The following ZNF568 variants were observed in gnomAD, a reference collection of about 807,000 sequenced individuals.
ZNF568 encodes the protein p53 inhibitor of SCO2 activation.
In ZNF568, 11 loss-of-function variants were observed where a neutral mutation model predicts 18.1. The ratio of observed to expected loss-of-function variants is 0.61; its 90% CI spans 0.38 to 1.00. The LOEUF (loss-of-function observed/expected upper bound fraction) is 1.00. Ranked by LOEUF, ZNF568 falls within the 50% of genes least tolerant of loss-of-function variation. The pLI, the probability that ZNF568 is intolerant of heterozygous loss-of-function variation, is 0.01. For missense variants in ZNF568, 639 were observed against 768.2 expected, an observed-to-expected ratio of 0.83 and a Z score of 1.99; for synonymous variants, 213 against 246.6, an observed-to-expected ratio of 0.86 and a Z score of 1.28.
At chr19:36,993,739 G>A (rs2074445112) in intron 4 of ZNF568, among the ~76,000 whole-genome samples, 1 of 152,032 alleles carries the variant, frequency 6.6e-6, no homozygotes, top group Non-Finnish European at 1.5e-5. Context: ...AAGGTCAGTG[G>A]TGATATCTCC....
downstream of ZNF568, among the ~76,000 whole-genome samples, chr19:36,984,886 GT>G (rs1822004863): frequency 6.6e-6 from 1 of 151,956 alleles, no homozygotes; most frequent in African/African-American, 2.4e-5. Context: ...GTGCTCTGCA[GT>G]TTTGGTGTGA....
chr19:36,952,800 T>A, downstream of ZNF568: 1 of 518,054 alleles, frequency 1.9e-6, no homozygotes, highest in Non-Finnish European at 2.5e-6. Context: ...AAGGGAAGCC[T>A]GTGCCCATAG....
At chr19:36,921,137 G>T (rs7249013) in intron 2 of ZNF568, among the ~76,000 whole-genome samples, 19,898 of 152,072 alleles carry the variant, frequency 0.13, 1,471 homozygotes, top group African/African-American at 0.19. Flanking sequence ...AAAGTGATGC[G>T]TGACTGTATA....
intron 7 of ZNF568, among the ~76,000 whole-genome samples, chr19:36,975,553 TTTTTC>T (rs1568403945): frequency 6.6e-6 from 1 of 151,810 alleles, no homozygotes; most frequent in Non-Finnish European, 1.5e-5. Context: ...GCCCAGCTAA[TTTTTC>T]TATTTTTAGT....
intron 2 of ZNF568, among the ~76,000 whole-genome samples, chr19:36,989,875 C>T (rs1054349498): frequency 6.6e-6 from 1 of 152,226 alleles, no homozygotes; most frequent in South Asian, 2.1e-4. Flanking sequence ...GTTCTTCCAC[C>T]GAGAGTACTG....
intron 6 of ZNF568, among the ~76,000 whole-genome samples, chr19:36,970,407 C>T (rs534267683): frequency 2.0e-5 from 3 of 149,978 alleles, no homozygotes; most frequent in Non-Finnish European, 4.4e-5. Flanking sequence ...GTGCAGTGCC[C>T]CAATCTTGGC....
chr19:36,966,130 A>G (rs1292540543), intron 6 of ZNF568, among the ~76,000 whole-genome samples: 3 of 152,094 alleles, frequency 2.0e-5, no homozygotes, highest in African/African-American at 4.8e-5. Context: ...ACTAAAAAAT[A>G]TAAAAATCAG....
chr19:36,938,661 A>G (rs539374240), intron 6 of ZNF568, among the ~76,000 whole-genome samples: 1 of 152,252 alleles, frequency 6.6e-6, no homozygotes, highest in East Asian at 1.9e-4. Flanking sequence ...CTTGAACCAT[A>G]CTTTCTTTTC....
chr19:36,994,493 T>C (rs919178977), intron 4 of ZNF568, among the ~76,000 whole-genome samples: 3 of 152,238 alleles, frequency 2.0e-5, no homozygotes, highest in African/African-American at 7.2e-5. Context: ...CTATCCATTA[T>C]TGAAAGTAAA....
At chr19:36,961,453 G>A (rs1476585728) in intron 6 of ZNF568, among the ~76,000 whole-genome samples, 1 of 151,278 alleles carries the variant, frequency 6.6e-6, no homozygotes, top group Non-Finnish European at 1.5e-5. Context: ...GATATTTGGG[G>A]ATCTTTTTAA....
chr19:36,973,071 A>C (rs1003024646), intron 6 of ZNF568: 3 of 152,902 alleles, frequency 2.0e-5, no homozygotes, highest in Non-Finnish European at 2.9e-5. Context: ...GGAGGCGGGG[A>C]ACTGGACATG....
exon 3 of ZNF568, chr19:36,991,299 G>A (rs1243486607): frequency 2.0e-6 from 3 of 1,532,332 alleles, no homozygotes; most frequent in Admixed American, 4.0e-5. Context: ...GGTCTTACTG[G>A]GTAACTTTAT....
chr19:36,997,752 A>T (rs2074492734), downstream of ZNF568: 4 of 655,382 alleles, frequency 6.1e-6, no homozygotes, highest in Admixed American at 2.9e-5. Context: ...TTTGATTGAC[A>T]TGAGAAAGTT....
intron 7 of ZNF568, among the ~76,000 whole-genome samples, chr19:36,975,442 G>A: frequency 7.0e-6 from 1 of 142,726 alleles, no homozygotes; most frequent in East Asian, 2.1e-4. Flanking sequence ...TAGGAGTGCA[G>A]TGGTGTTATC....
intron 6 of ZNF568, among the ~76,000 whole-genome samples, chr19:36,939,531 T>C (rs2073843919): frequency 7.4e-6 from 1 of 134,406 alleles, no homozygotes; most frequent in South Asian, 2.4e-4. Flanking sequence ...GTATTTTCTT[T>C]CTTTTTTTTT....
rs2073807801 is a variant in ZNF568, at chr19:36,937,300, G to A, written c.358+58G>A. ...AGCCACATGAGAGTTGTTCAGTGAA[G>A]GGTTGATATCATTTCACAATTTCCA... On this transcript the variant is annotated intron_variant, in intron 6 of 6. Transcript: ENST00000333987. 7 of 1,418,170 alleles carry A rather than the reference G, an allele frequency of 4.9e-6. No individual in the cohort carries two copies. In the Middle Eastern group the frequency reaches 5.4e-4, roughly 109 times the overall value. The allele number at this position is 1,418,170 out of a possible 1,614,324, so 87.8% of individuals were successfully genotyped here. A position where few individuals can be genotyped will look rare whatever the true frequency, so the allele number is the denominator to read the frequency against.
intron 4 of ZNF568, among the ~76,000 whole-genome samples, chr19:36,927,718 TTTATC>T: frequency 6.7e-6 from 1 of 150,144 alleles, no homozygotes; most frequent in East Asian, 1.9e-4. Flanking sequence ...TTAGAATTAG[TTTATC>T]TAGTTCTAGG....
Position 36,952,146 on chromosome 19 carries a change from T to C in ZNF568, c.*1058T>C. The C allele has an allele frequency of 3.1e-5, 11 of 359,168 alleles. No homozygotes were observed. The highest frequency in any genetic ancestry group is 3.8e-5 in the Non-Finnish European group (10 of 260,668). The allele number at this position is 359,168 out of a possible 1,614,324, so 22.2% of individuals were successfully genotyped here. A position where few individuals can be genotyped will look rare whatever the true frequency, so the allele number is the denominator to read the frequency against. On this transcript the variant is annotated 3_prime_UTR_variant, in exon 7 of 7. Transcript: ENST00000333987. ...ATGCATAAGAAATATATATATAATA[T>C]ATGTATGTATGTATAGCCAGATGCA...
At chr19:36,963,793 C>A (rs1253726075) in intron 6 of ZNF568, among the ~76,000 whole-genome samples, 1 of 151,994 alleles carries the variant, frequency 6.6e-6, no homozygotes, top group East Asian at 1.9e-4. Context: ...ATGGTGAAAC[C>A]CCATTTCTAC....
Sources: gnomAD v4.1 joint callset for allele counts (sites outside exome capture counted in the v4.1 genomes callset) on GRCh38, gnomAD v4.1.1 for gene constraint, MANE v1.5 for transcripts, NCBI Gene and HGNC (gene_info 2026-07-23, HGNC 2026-07-21) for gene names.